SNTG1: variants seen among roughly 807,000 people sequenced by gnomAD.
SNTG1 encodes the protein gamma-1-syntrophin.
In SNTG1, 39 loss-of-function variants were observed where a neutral mutation model predicts 74.7. The ratio of observed to expected loss-of-function variants is 0.52; its 90% CI spans 0.40 to 0.68. The LOEUF (loss-of-function observed/expected upper bound fraction) is 0.68. Among genes scored for constraint, SNTG1 ranks in the 30% least tolerant of loss-of-function variants. SNTG1 has a pLI of 0.00. For missense variants in SNTG1, 685 were observed against 609.5 expected (o/e 1.12, Z -1.30); for synonymous variants, 254 against 217.1 (o/e 1.17, Z -1.49).
intron 13 of SNTG1, among the ~76,000 whole-genome samples, chr8:50,625,420 T>C (rs1181383854): frequency 6.6e-6 from 1 of 152,200 alleles, no homozygotes; most frequent in Non-Finnish European, 1.5e-5. Context: ...GATGAAGTCA[T>C]GGGTATACTG....
intron 15 of SNTG1, among the ~76,000 whole-genome samples, chr8:50,700,093 A>G (rs993011971): frequency 6.6e-6 from 1 of 152,192 alleles, no homozygotes; most frequent in African/African-American, 2.4e-5. Context: ...CAGCTCCTGC[A>G]TGTGTGTTAG....
At chr8:50,786,971 G>GA (rs1039548619) in intron 18 of SNTG1, among the ~76,000 whole-genome samples, 1 of 151,730 alleles carries the variant, frequency 6.6e-6, no homozygotes, top group East Asian at 1.9e-4. Context: ...AATCAAAGGG[G>GA]AAAAAAATAG....
chr8:50,475,812 A>T (rs1282262398), intron 8 of SNTG1, among the ~76,000 whole-genome samples: 1 of 152,350 alleles, frequency 6.6e-6, no homozygotes, highest in Non-Finnish European at 1.5e-5. Flanking sequence ...CATTACAAAG[A>T]AAGTGCTGAC....
intron 17 of SNTG1, among the ~76,000 whole-genome samples, chr8:50,719,924 T>G (rs1012788679): frequency 1.3e-5 from 2 of 152,204 alleles, no homozygotes; most frequent in African/African-American, 2.4e-5. Context: ...CTCCTCTGAA[T>G]TTTTTAATAT....
At position 50,304,304 on chromosome 8, in the gene SNTG1, A is replaced by G. The variant is rs141261386; in HGVS notation, c.-27-89908A>G. ...ACAGCACTCTGACCTTGGACTTCCC[A>G]GCCTCCAGAGCTGTGAGCCAAACAA... On this transcript the variant is annotated intron_variant, in intron 2 of 18. Transcript: ENST00000642720. Among the ~76,000 whole-genome samples, 5 of 152,306 alleles carry G rather than the reference A, an allele frequency of 3.3e-5. No homozygotes were observed. In the East Asian group the frequency reaches 9.6e-4, roughly 29 times the overall value.
intron 4 of SNTG1, among the ~76,000 whole-genome samples, chr8:50,424,693 A>G (rs2093139741): frequency 6.6e-6 from 1 of 152,234 alleles, no homozygotes; most frequent in African/African-American, 2.4e-5. Flanking sequence ...TAAAAATCAC[A>G]CTATCTTATG....
chr8:50,420,831 C>CT (rs2093072596), intron 4 of SNTG1, among the ~76,000 whole-genome samples: 2 of 151,822 alleles, frequency 1.3e-5, no homozygotes, highest in African/African-American at 4.8e-5. Context: ...TCAAGACCAT[C>CT]TTGGCCAACA....
At chr8:50,683,529 A>T (rs374157942) in intron 15 of SNTG1, among the ~76,000 whole-genome samples, 34 of 152,182 alleles carry the variant, frequency 2.2e-4, no homozygotes, top group Admixed American at 3.3e-4. Context: ...AACACATTTT[A>T]TGAGAGGTTT....
chr8:50,291,808 T>G (rs941438503), intron 2 of SNTG1, among the ~76,000 whole-genome samples: 1 of 152,132 alleles, frequency 6.6e-6, no homozygotes, highest in African/African-American at 2.4e-5. Flanking sequence ...TGAATAAAGC[T>G]AAGTAGAAGG....
chr8:50,235,001 AG>A (rs2085816780), intron 2 of SNTG1, among the ~76,000 whole-genome samples: 1 of 152,102 alleles, frequency 6.6e-6, no homozygotes, highest in South Asian at 2.1e-4. Flanking sequence ...TGGAAATTTC[AG>A]TGAAAAGTTA....
rs559297172 is a variant in SNTG1, at chr8:50,330,208, T to G, written c.-27-64004T>G. Among the ~76,000 whole-genome samples the G allele has an allele frequency of 6.6e-5, 10 of 152,262 alleles. No homozygotes were observed. In the East Asian group the frequency reaches 1.7e-3, roughly 27 times the overall value. ...TGAGTTCACATGAGATCTGATGTTTTTATAAGGGGGTTTTTCCCCTTTTGC... is the reference window on the plus strand; with the variant it reads ...TGAGTTCACATGAGATCTGATGTTTGTATAAGGGGGTTTTTCCCCTTTTGC... On this transcript the variant is annotated intron_variant, in intron 2 of 18. Transcript: ENST00000642720.
intron 1 of SNTG1, among the ~76,000 whole-genome samples, chr8:50,057,581 GT>G (rs887624729): frequency 2.0e-5 from 3 of 152,096 alleles, no homozygotes; most frequent in African/African-American, 7.2e-5. Flanking sequence ...GTCAAAATCT[GT>G]AAAATGGAGG....
intron 8 of SNTG1, among the ~76,000 whole-genome samples, chr8:50,485,717 T>C (rs2093786310): frequency 6.6e-6 from 1 of 151,320 alleles, no homozygotes; most frequent in African/African-American, 2.4e-5. Context: ...GCCATTGCTT[T>C]TGGTGTTTTA....
At chr8:50,019,993 ACAG>A (rs771792900) in intron 1 of SNTG1, among the ~76,000 whole-genome samples, 3 of 152,148 alleles carry the variant, frequency 2.0e-5, no homozygotes, top group Non-Finnish European at 4.4e-5. Flanking sequence ...TGGCAATTTG[ACAG>A]CAGAATCCAT....
At chr8:50,791,308 G>A (rs564191082) in intron 18 of SNTG1, among the ~76,000 whole-genome samples, 2 of 151,732 alleles carry the variant, frequency 1.3e-5, no homozygotes, top group African/African-American at 4.8e-5. Flanking sequence ...CTTTTTTGGT[G>A]GAAATATCTA....
At chr8:50,352,460 G>A (rs930197634) in intron 2 of SNTG1, among the ~76,000 whole-genome samples, 2 of 151,606 alleles carry the variant, frequency 1.3e-5, no homozygotes, top group African/African-American at 2.4e-5. Context: ...AAGCAGTCTC[G>A]GCTCACTGCA....
intron 1 of SNTG1, among the ~76,000 whole-genome samples, chr8:50,162,281 G>A (rs1413373914): frequency 3.3e-5 from 5 of 152,122 alleles, no homozygotes; most frequent in Non-Finnish European, 4.4e-5. Flanking sequence ...AGAAAGCACC[G>A]GCCGTGCGCG....
intron 3 of SNTG1, among the ~76,000 whole-genome samples, chr8:50,399,331 TC>T (rs1163383169): frequency 6.6e-6 from 1 of 152,200 alleles, no homozygotes; most frequent in Non-Finnish European, 1.5e-5. Context: ...TATTCTGTTT[TC>T]CAGACAACTA....
intron 12 of SNTG1, among the ~76,000 whole-genome samples, chr8:50,566,175 A>G (rs1036930932): frequency 2.6e-5 from 4 of 151,928 alleles, no homozygotes; most frequent in Admixed American, 2.0e-4. Flanking sequence ...TTGCTTAATA[A>G]AAGAAAAGGC....
Sources: gnomAD v4.1 joint callset for allele counts (sites outside exome capture counted in the v4.1 genomes callset) on GRCh38, gnomAD v4.1.1 for gene constraint, MANE v1.5 for transcripts, NCBI Gene and HGNC (gene_info 2026-07-23, HGNC 2026-07-21) for gene names.